The following LRRC49 variants were observed in gnomAD, a reference collection of about 807,000 sequenced individuals.
LRRC49 encodes leucine rich repeat containing 49.
LRRC49 carries 50 observed loss-of-function variants against 83.3 expected under a neutral mutation model. The observed-to-expected ratio is 0.60, with a 90% CI of 0.48 to 0.76. LRRC49 has a LOEUF of 0.76. Among genes scored for constraint, LRRC49 ranks in the 30% least tolerant of loss-of-function variants. The pLI is 0.00. For missense variants in LRRC49, 704 were observed against 809.1 expected, an observed-to-expected ratio of 0.87 and a Z score of 1.58; for synonymous variants, 286 against 283.3, an observed-to-expected ratio of 1.01 and a Z score of -0.10.
intron 15 of LRRC49, among the ~76,000 whole-genome samples, chr15:71,044,726 C>T (rs779547135): frequency 2.6e-5 from 4 of 151,882 alleles, no homozygotes; most frequent in Non-Finnish European, 4.4e-5. Flanking sequence ...GCAGAGGTTG[C>T]AGTGAGCGGA....
At chr15:70,913,308 T>C (rs369581681) in intron 6 of LRRC49, among the ~76,000 whole-genome samples, 12 of 152,310 alleles carry the variant, frequency 7.9e-5, no homozygotes, top group African/African-American at 2.9e-4. Context: ...ATGTAATTAA[T>C]AAAAACCTTG....
upstream of LRRC49, among the ~76,000 whole-genome samples, chr15:70,888,625 A>ACAT (rs2033471390): frequency 6.6e-6 from 1 of 152,104 alleles, no homozygotes; most frequent in South Asian, 2.1e-4. Flanking sequence ...AATTTGGACT[A>ACAT]CATCAGAATT....
Position 70,918,919 on chromosome 15 carries a change from A to G in LRRC49, c.568-131A>G, listed in dbSNP as rs2034899002. ...CTACAGCATAGGAAATTGAAAATAG[A>G]TTTTTAAATGTCTACATATAAACTT... On this transcript the variant is annotated intron_variant, in intron 6 of 15. Coordinates refer to ENST00000260382, the MANE Select transcript of LRRC49 (RefSeq NM_017691.5). 7.8e-6 allele frequency: 5 copies of G among 642,124 alleles called. No individual in the cohort carries two copies. In the Admixed American group the frequency reaches 1.6e-4, roughly 20 times the overall value. The allele number at this position is 642,124 out of a possible 1,614,324, so 39.8% of individuals were successfully genotyped here. A position where few individuals can be genotyped will look rare whatever the true frequency, so the allele number is the denominator to read the frequency against.
At chr15:70,942,036 TG>T (rs2035839432) in intron 8 of LRRC49, among the ~76,000 whole-genome samples, 95 of 10,272 alleles carry the variant, frequency 9.2e-3, no homozygotes, top group African/African-American at 0.013. Context: ...AAAGGTTATG[TG>T]TGTGTGTGTG....
chr15:70,890,760 A>G (rs2033533541), upstream of LRRC49, among the ~76,000 whole-genome samples: 1 of 152,212 alleles, frequency 6.6e-6, no homozygotes, highest in African/African-American at 2.4e-5. Flanking sequence ...CCAGGATATT[A>G]TAATACATGC....
At chr15:70,981,332 C>T (rs866303742) in intron 10 of LRRC49, among the ~76,000 whole-genome samples, 16 of 114,272 alleles carry the variant, frequency 1.4e-4, no homozygotes, top group East Asian at 8.3e-4. Flanking sequence ...CATCACACAC[C>T]GGGGCCTGTT....
At chr15:70,919,834 G>A (rs2034940428) in intron 7 of LRRC49, among the ~76,000 whole-genome samples, 1 of 152,104 alleles carries the variant, frequency 6.6e-6, no homozygotes, top group Non-Finnish European at 1.5e-5. Context: ...GTAGAGAACT[G>A]GCATGTGAGC....
chr15:71,036,183 G>C (rs2039513908), intron 14 of LRRC49, among the ~76,000 whole-genome samples: 1 of 152,012 alleles, frequency 6.6e-6, no homozygotes, highest in South Asian at 2.1e-4. Context: ...ACTTTTTGAT[G>C]GGGTTGTTTG....
chr15:70,861,124 T>G (rs1158338179), intron 1 of LRRC49, among the ~76,000 whole-genome samples: 1 of 152,212 alleles, frequency 6.6e-6, no homozygotes, highest in Non-Finnish European at 1.5e-5. Context: ...TTGATATATT[T>G]TTGTCACAGA....
chr15:70,948,971 G>A (rs2036113613), intron 8 of LRRC49, among the ~76,000 whole-genome samples: 1 of 152,128 alleles, frequency 6.6e-6, no homozygotes, highest in Non-Finnish European at 1.5e-5. Flanking sequence ...CACAAAAGCA[G>A]CCATAAATAA....
intron 15 of LRRC49, among the ~76,000 whole-genome samples, chr15:71,044,886 C>CTTTTT (rs71152326): frequency 5.4e-5 from 4 of 74,456 alleles, no homozygotes; most frequent in African/African-American, 2.1e-4. Context: ...CAGAAACAAT[C>CTTTTT]TTTTTTTTTT....
intron 14 of LRRC49, among the ~76,000 whole-genome samples, chr15:71,031,093 G>A (rs780392129): frequency 1.3e-5 from 2 of 152,048 alleles, no homozygotes; most frequent in African/African-American, 2.4e-5. Context: ...TCTGGTTTTG[G>A]GAATTTTCAG....
chr15:70,992,447 C>A (rs568842273), intron 11 of LRRC49, among the ~76,000 whole-genome samples: 18 of 152,276 alleles, frequency 1.2e-4, no homozygotes, highest in African/African-American at 4.3e-4. Flanking sequence ...TTTTATCCAA[C>A]TTTGGTCTTT....
chr15:71,033,187 C>A (rs28833517), intron 14 of LRRC49, among the ~76,000 whole-genome samples: 1 of 152,154 alleles, frequency 6.6e-6, no homozygotes, highest in Non-Finnish European at 1.5e-5. Flanking sequence ...AATCAATGTG[C>A]AAAAATTGCA....
At chr15:71,021,766 G>A (rs1266392866) in intron 14 of LRRC49, among the ~76,000 whole-genome samples, 1 of 152,156 alleles carries the variant, frequency 6.6e-6, no homozygotes, top group Admixed American at 6.5e-5. Context: ...ACCTGTCTCT[G>A]CTCCACATGG....
intron 7 of LRRC49, among the ~76,000 whole-genome samples, chr15:70,924,107 T>C (rs1386488327): frequency 1.3e-5 from 2 of 151,920 alleles, no homozygotes; most frequent in African/African-American, 4.8e-5. Flanking sequence ...AGAAGAGTCT[T>C]TTTTTGTATT....
Position 71,008,572 on chromosome 15 carries a change from G to A in LRRC49, c.1363G>A (p.Val455Ile), listed in dbSNP as rs376633327. 1.6e-5 allele frequency: 26 copies of A among 1,612,348 alleles called. No homozygotes were observed. The highest frequency in any genetic ancestry group is 8.0e-5 in the African/African-American group (6 of 74,838). Residue 455 changes from valine (V) to isoleucine (I), a missense_variant, in exon 12 of 16, where the codon GTC (valine) becomes ATC (isoleucine). By Grantham distance (29) the Val-to-Ile change is conservative. Coordinates refer to ENST00000260382, the MANE Select transcript of LRRC49 (RefSeq NM_017691.5). The stretch of plus-strand genomic sequence containing the variant: ...CACTTTCATAGAATTTGATGAAATC[G>A]TCCAAGTGCTTCCTAAACTGAAGAT... ...SFTFIEFDEI[V>I]QVLPKLKIKF...
chr15:70,882,933 A>C, intron 2 of LRRC49: 3 of 1,612,908 alleles, frequency 1.9e-6, no homozygotes, highest in Non-Finnish European at 2.5e-6. Context: ...CAGAGGAGAA[A>C]CATATTAAAG....
In LRRC49 at chr15:70,908,356, A is replaced by C. The variant is rs113482802; in HGVS notation, c.501-3176A>C. ...AGATATTTCTCAAATCTGCCTCCCT[A>C]AGAAGTTGGAGACTAGGATTGTCAA... On this transcript the variant is annotated intron_variant, in intron 5 of 15. Transcript: ENST00000260382. 4.6e-5 allele frequency among the ~76,000 whole-genome samples: 7 copies of C among 152,290 alleles called. 1 individual carries two copies. Among genetic ancestry groups the C allele is most frequent in the African/African-American group, 9.6e-5 (4 of 41,554 alleles).
Sources: allele counts gnomAD v4.1 joint callset (sites outside exome capture counted in the v4.1 genomes callset), GRCh38; gene constraint gnomAD v4.1.1; transcripts MANE v1.5; gene names NCBI Gene and HGNC (gene_info 2026-07-23, HGNC 2026-07-21).